The following GRM7 variants were observed in gnomAD, a reference collection of about 807,000 sequenced individuals.
The protein encoded by GRM7 is metabotropic glutamate receptor 7.
Under a neutral mutation model 84.5 loss-of-function variants are expected in GRM7, and 35 were observed. The observed-to-expected ratio is 0.41, with a 90% CI of 0.32 to 0.55. The LOEUF (loss-of-function observed/expected upper bound fraction) is 0.55. Among genes scored for constraint, GRM7 ranks in the 20% least tolerant of loss-of-function variants. GRM7 has a pLI of 0.19. For synonymous variants in GRM7, 487 were observed against 455.1 expected (o/e 1.07, Z -0.89); for missense variants, 1,003 against 1,194.6 (o/e 0.84, Z 2.36).
At chr3:7,470,502 G>A (rs1384574337) in intron 7 of GRM7, among the ~76,000 whole-genome samples, 1 of 152,112 alleles carries the variant, frequency 6.6e-6, no homozygotes, top group South Asian at 2.1e-4. Context: ...GTGTATAACT[G>A]TGTTCTTTCT....
intron 9 of GRM7, among the ~76,000 whole-genome samples, chr3:7,719,342 G>T (rs1701864267): frequency 2.6e-5 from 4 of 152,074 alleles, no homozygotes; most frequent in Admixed American, 2.6e-4. Flanking sequence ...CTATCTAATT[G>T]TGCCCCTGCG....
chr3:7,322,301 C>G (rs1020753706), intron 4 of GRM7, among the ~76,000 whole-genome samples: 7 of 151,850 alleles, frequency 4.6e-5, no homozygotes, highest in Non-Finnish European at 7.4e-5. Flanking sequence ...AAACATTTGC[C>G]CAAAGTTACA....
chr3:7,143,063 C>A (rs1343530749), intron 1 of GRM7, among the ~76,000 whole-genome samples: 2 of 152,046 alleles, frequency 1.3e-5, no homozygotes, highest in Non-Finnish European at 1.5e-5. Context: ...ATCAAAAGAT[C>A]AAGTCTCCAT....
chr3:6,951,988 T>G (rs1286828297), intron 1 of GRM7, among the ~76,000 whole-genome samples: 2 of 152,218 alleles, frequency 1.3e-5, no homozygotes, highest in Non-Finnish European at 2.9e-5. Context: ...AAATCCACTT[T>G]GCCTGATTTA....
At chr3:7,285,167 A>C (rs1699385459) in intron 2 of GRM7, among the ~76,000 whole-genome samples, 1 of 152,220 alleles carries the variant, frequency 6.6e-6, no homozygotes, top group Admixed American at 6.5e-5. Context: ...GCAAAGTCTC[A>C]AATATTCACT....
intron 1 of GRM7, among the ~76,000 whole-genome samples, chr3:6,973,678 C>T (rs1215160734): frequency 6.6e-6 from 1 of 152,070 alleles, no homozygotes; most frequent in Non-Finnish European, 1.5e-5. Flanking sequence ...CAGGAGGAAC[C>T]ATTAGACAGA....
At chr3:7,264,540 G>T (rs969949751) in intron 2 of GRM7, among the ~76,000 whole-genome samples, 1 of 22,174 alleles carries the variant, frequency 4.5e-5, no homozygotes, top group Non-Finnish European at 8.4e-5. Flanking sequence ...CCCCATACAT[G>T]GTAGCCCCAT....
chr3:7,567,394 T>C (rs1180667933), intron 7 of GRM7, among the ~76,000 whole-genome samples: 1 of 152,068 alleles, frequency 6.6e-6, no homozygotes, highest in African/African-American at 2.4e-5. Flanking sequence ...GTGATTTGCA[T>C]AGAAAGTAAG....
At chr3:7,112,945 A>T (rs952629980) in intron 1 of GRM7, among the ~76,000 whole-genome samples, 1 of 152,182 alleles carries the variant, frequency 6.6e-6, no homozygotes, top group African/African-American at 2.4e-5. Context: ...ATAGAGAAAG[A>T]AACAAAACTG....
intron 9 of GRM7, among the ~76,000 whole-genome samples, chr3:7,718,649 C>T (rs895407408): frequency 6.6e-6 from 1 of 152,154 alleles, no homozygotes; most frequent in Non-Finnish European, 1.5e-5. Flanking sequence ...AGAAGCCACC[C>T]AGTCAGAAGA....
chr3:7,634,502 A>AAAAAAAAC (rs869197286), intron 8 of GRM7, among the ~76,000 whole-genome samples: 1 of 70,498 alleles, frequency 1.4e-5, no homozygotes, highest in Non-Finnish European at 2.8e-5. Flanking sequence ...AAAAAAAAAA[A>AAAAAAAAC]GGGCTGGGCT....
intron 7 of GRM7, among the ~76,000 whole-genome samples, chr3:7,532,002 G>A (rs1011686241): frequency 9.2e-5 from 14 of 151,844 alleles, no homozygotes. Context: ...TATTGCGCGT[G>A]CTGCTGGATT....
chr3:7,096,294 CTTTAA>C (rs1474019263), intron 1 of GRM7, among the ~76,000 whole-genome samples: 4 of 152,176 alleles, frequency 2.6e-5, no homozygotes, highest in Non-Finnish European at 5.9e-5. Context: ...ACAAGACTGT[CTTTAA>C]TTCAATAGCC....
chr3:6,878,946 AC>A (rs1320123362), intron 1 of GRM7, among the ~76,000 whole-genome samples: 1 of 152,016 alleles, frequency 6.6e-6, no homozygotes, highest in Non-Finnish European at 1.5e-5. Context: ...CACTTTAAAA[AC>A]CCATTGCTTA....
chr3:7,722,352 A>G (rs898859111), intron 9 of GRM7, among the ~76,000 whole-genome samples: 2 of 152,060 alleles, frequency 1.3e-5, no homozygotes, highest in Non-Finnish European at 2.9e-5. Flanking sequence ...CTATAGTACT[A>G]TTACTTTGTC....
intron 5 of GRM7, among the ~76,000 whole-genome samples, chr3:7,434,279 G>T (rs771126911): frequency 6.6e-6 from 1 of 152,090 alleles, no homozygotes; most frequent in Non-Finnish European, 1.5e-5. Flanking sequence ...TCTTATTTCA[G>T]TGCATTTTGT....
In GRM7 at chr3:7,276,792, T is replaced by C. The variant is rs1302045709; in HGVS notation, c.737-21892T>C. On this transcript the variant is annotated intron_variant, in intron 2 of 9. Transcript: ENST00000357716. Reference sequence around the variant, plus strand: ...CTTCCTTCCTTCCTTCCTTCCTTCCTTCCTTCCTTCCTTTTTGGTGGTGGC... The same window carrying C: ...CTTCCTTCCTTCCTTCCTTCCTTCCCTCCTTCCTTCCTTTTTGGTGGTGGC... Among the ~76,000 whole-genome samples, 32 of 5,022 alleles carry C rather than the reference T, an allele frequency of 6.4e-3. 1 individual carries two copies. The highest frequency in any genetic ancestry group is 0.011 in the East Asian group (2 of 188). The allele number at this position is 5,022 out of a possible 152,430, so 3.3% of individuals were successfully genotyped here. A position where few individuals can be genotyped will look rare whatever the true frequency, so the allele number is the denominator to read the frequency against.
chr3:7,739,233 G>A (rs17047890), intron 9 of GRM7, among the ~76,000 whole-genome samples: 2 of 152,142 alleles, frequency 1.3e-5, no homozygotes, highest in African/African-American at 4.8e-5. Context: ...CTATAATCAT[G>A]TATGTACCTG....
At chr3:6,948,731 G>C (rs1698189806) in intron 1 of GRM7, among the ~76,000 whole-genome samples, 1 of 152,146 alleles carries the variant, frequency 6.6e-6, no homozygotes, top group African/African-American at 2.4e-5. Context: ...TTATGAATCT[G>C]GGTGCTCCTG....
Sources: allele counts gnomAD v4.1 joint callset (sites outside exome capture counted in the v4.1 genomes callset), GRCh38; gene constraint gnomAD v4.1.1; transcripts MANE v1.5; gene names NCBI Gene and HGNC (gene_info 2026-07-23, HGNC 2026-07-21).